ANKRD60: variants seen among roughly 807,000 people sequenced by gnomAD.
ANKRD60 encodes ankyrin repeat domain 60, also known as ankyrin repeat domain-containing protein 60.
ANKRD60 carries 24 observed loss-of-function variants against 21.3 expected under a neutral mutation model. The ratio of observed to expected loss-of-function variants is 1.13; its 90% CI spans 0.82 to 1.59. ANKRD60 has a LOEUF of 1.59. ANKRD60 is among the 40% of genes most tolerant of loss of function. The probability of loss-of-function intolerance (pLI) is 0.00; values close to 1 mark genes in which losing one functional copy is unlikely to be tolerated. For synonymous variants in ANKRD60, 182 were observed against 199.4 expected (o/e 0.91, Z 0.74); for missense variants, 490 against 466.7 (o/e 1.05, Z -0.46).
chr20:58,221,188 G>T, intron 3 of ANKRD60, 150 bp downstream of exon 3: 1 of 789,164 alleles, frequency 1.3e-6, no homozygotes, highest in Non-Finnish European at 1.9e-6. Flanking sequence ...GACAGGGAGT[G>T]AGTGGCACCA....
At chr20:58,218,850 G>A in intron 3 of ANKRD60, 45 bp from the exon 4 acceptor site, 2 of 1,482,376 alleles carry the variant, frequency 1.3e-6, no homozygotes, top group Non-Finnish European at 1.8e-6. Flanking sequence ...TGCGGAGGGG[G>A]AACACAGGAG....
chr20:58,217,191 G>A (rs1019879364), downstream of ANKRD60, among the ~76,000 whole-genome samples: 16 of 152,150 alleles, frequency 1.1e-4, no homozygotes, highest in African/African-American at 3.9e-4. Context: ...AACACTTTGG[G>A]AGGCCGAGGG....
At chr20:58,226,779 G>A (rs550896563) in intron 1 of ANKRD60, among the ~76,000 whole-genome samples, 8 of 152,246 alleles carry the variant, frequency 5.3e-5, no homozygotes, top group East Asian at 3.9e-4. Flanking sequence ...TGGTGAGCTC[G>A]GTGACTGCCT....
At chr20:58,221,202 G>A in intron 3 of ANKRD60, 136 bp downstream of exon 3, 2 of 941,572 alleles carry the variant, frequency 2.1e-6, no homozygotes, top group African/African-American at 3.3e-5. Context: ...GGCACCATGG[G>A]GACCCTGACT....
chr20:58,223,938 C>T (rs976422768), intron 1 of ANKRD60, among the ~76,000 whole-genome samples: 1 of 152,040 alleles, frequency 6.6e-6, no homozygotes, highest in Non-Finnish European at 1.5e-5. Flanking sequence ...CCCGTCTCTA[C>T]AAAAAATACA....
chr20:58,218,474 G>T, downstream of ANKRD60: 1 of 1,538,414 alleles, frequency 6.5e-7, no homozygotes, highest in South Asian at 1.2e-5. Flanking sequence ...AGCCTCAGCG[G>T]GCAAACGTTC....
chr20:58,218,501 AG>A lies in ANKRD60; in HGVS notation c.1031del (p.Pro344LeufsTer?), dbSNP rs1984177322. On this transcript the variant is annotated frameshift_variant, in exon 4 of 4. Coordinates refer to ENST00000457363, the Ensembl canonical transcript of ANKRD60. LOFTEE classifies it high-confidence loss of function. Reference sequence around the variant, plus strand: ...CAAACGTTCCCACCAGGAGCTAATGAGGGGTCATCGTCATCTTCTCAGACCT... The same window carrying A: ...CAAACGTTCCCACCAGGAGCTAATGAGGGTCATCGTCATCTTCTCAGACCT... The A allele has an allele frequency of 7.1e-6, 11 of 1,549,964 alleles. No homozygotes were observed. The highest frequency in any genetic ancestry group is 8.7e-6 in the Non-Finnish European group (10 of 1,145,648).
chr20:58,224,314 A>G (rs542364437), intron 1 of ANKRD60, among the ~76,000 whole-genome samples: 90 of 152,292 alleles, frequency 5.9e-4, no homozygotes, highest in African/African-American at 1.9e-3. Flanking sequence ...CTAGAGTCCA[A>G]CTGAGTGGGA....
At chr20:58,222,347 G>T (rs571463710) in intron 2 of ANKRD60, among the ~76,000 whole-genome samples, 7 of 152,012 alleles carry the variant, frequency 4.6e-5, no homozygotes, top group Non-Finnish European at 8.8e-5. Flanking sequence ...CCGAGCCCAC[G>T]CACTCTTCCA....
exon 4 of ANKRD60, chr20:58,218,688 C>T (rs1227983607): frequency 1.3e-6 from 2 of 1,551,618 alleles, no homozygotes; most frequent in East Asian, 2.4e-5. Context: ...CTTGGCATCT[C>T]TGTCGTGGAT....
chr20:58,219,918 A>G (rs1199668707), intron 3 of ANKRD60, among the ~76,000 whole-genome samples: 2 of 152,198 alleles, frequency 1.3e-5, no homozygotes, highest in Admixed American at 1.3e-4. Context: ...CCCATATTTC[A>G]TTTTACAACA....
chr20:58,225,212 T>G (rs932048179), intron 1 of ANKRD60, among the ~76,000 whole-genome samples: 1 of 152,154 alleles, frequency 6.6e-6, no homozygotes. Flanking sequence ...TCTCTCGCGC[T>G]CCCTCTTAGC....
At chr20:58,227,067 T>A (rs1193763629) in intron 1 of ANKRD60, among the ~76,000 whole-genome samples, 1 of 152,176 alleles carries the variant, frequency 6.6e-6, no homozygotes, top group Non-Finnish European at 1.5e-5. Context: ...TATGGGGTCT[T>A]GAGGCAGGCA....
intron 1 of ANKRD60, among the ~76,000 whole-genome samples, chr20:58,224,080 C>T (rs1301529834): frequency 1.3e-5 from 2 of 149,924 alleles, no homozygotes; most frequent in African/African-American, 2.5e-5. Context: ...CCAGCCTGGG[C>T]AATAGAGTGA....
Position 58,221,263 on chromosome 20 carries a change from A to G in ANKRD60, c.727+75T>C, listed in dbSNP as rs142437192. The G allele has an allele frequency of 7.9e-4, 1,151 of 1,451,088 alleles. 12 individuals are homozygous for G. The African/African-American group carries it at 0.015, about 18-fold the overall frequency. The allele number at this position is 1,451,088 out of a possible 1,614,324, so 89.9% of individuals were successfully genotyped here. On this transcript the variant is annotated intron_variant, in intron 3 of 3. Coordinates refer to ENST00000457363, the Ensembl canonical transcript of ANKRD60. ...GAAACCACTGCTGGAAGGACTGGGA[A>G]CACAAGACACTCTGTCCTTTCTACC...
At chr20:58,221,849 A>AT (rs1346556840) in intron 2 of ANKRD60, among the ~76,000 whole-genome samples, 2 of 152,104 alleles carry the variant, frequency 1.3e-5, no homozygotes, top group Non-Finnish European at 2.9e-5. Context: ...GCCAATATAA[A>AT]TGGCCTCCCA....
chr20:58,228,339 C>A lies in ANKRD60; in HGVS notation c.315G>T (p.Glu105Asp), dbSNP rs1263791830. The A allele has an allele frequency of 6.4e-7, 1 of 1,550,650 alleles. No individual in the cohort carries two copies. Among genetic ancestry groups the A allele is most frequent in the African/African-American group, 1.4e-5 (1 of 73,050 alleles). Residue 105 changes from glutamate to aspartate, a missense_variant, in exon 1 of 4, where the codon GAG becomes GAT. By Grantham distance (45) the Glu-to-Asp change is conservative. Transcript: ENST00000457363. The surrounding 1 kb of genome is among the most constrained non-coding windows in gnomAD (Gnocchi z 5.3). ...CGCGGCAGTTTGCCACTCGGAACATCTCCCCCGTCTCCTCCAGCCGCACCC... is the reference window on the plus strand; with the variant it reads ...CGCGGCAGTTTGCCACTCGGAACATATCCCCCGTCTCCTCCAGCCGCACCC...
chr20:58,225,707 C>T (rs951323069), intron 1 of ANKRD60, among the ~76,000 whole-genome samples: 21 of 152,222 alleles, frequency 1.4e-4, no homozygotes, highest in African/African-American at 5.1e-4. Flanking sequence ...GCTCCCCAGC[C>T]CCTGCAGTAC....
chr20:58,218,894 G>A, intron 3 of ANKRD60, 89 bp from the exon 4 acceptor site: 3 of 1,284,066 alleles, frequency 2.3e-6, no homozygotes, highest in South Asian at 1.5e-5. Context: ...GCTCCTCAGG[G>A]AGGTCCTGCT....
Sources: gnomAD v4.1 joint callset for allele counts (sites outside exome capture counted in the v4.1 genomes callset) on GRCh38, gnomAD v4.1.1 for gene constraint, Gnocchi (gnomAD v3.1) non-coding constraint, MANE v1.5 for transcripts, NCBI Gene and HGNC (gene_info 2026-07-23, HGNC 2026-07-21) for gene names.